The following CMSS1 variants were observed in gnomAD, a reference collection of about 807,000 sequenced individuals.
The protein encoded by CMSS1 is cms1 ribosomal small subunit homolog, also known as protein CMSS1.
In CMSS1, 33 loss-of-function variants were observed where a neutral mutation model predicts 43.5. That is an observed-to-expected ratio of 0.76 (90% CI 0.57 to 1.01). The LOEUF (loss-of-function observed/expected upper bound fraction) is 1.01, where lower values mean the gene tolerates loss of function less well. CMSS1 is among the 50% of genes least tolerant of loss of function. CMSS1 has a pLI of 0.00. For missense variants in CMSS1, 313 were observed against 326.4 expected (o/e 0.96, Z 0.32); for synonymous variants, 115 against 117.2 (o/e 0.98, Z 0.12).
chr3:99,899,995 C>G (rs909774555), intron 1 of CMSS1, among the ~76,000 whole-genome samples: 1 of 152,086 alleles, frequency 6.6e-6, no homozygotes, highest in Admixed American at 6.5e-5. Flanking sequence ...TCGTATAATT[C>G]TGAGGTCAGA....
At chr3:99,859,105 TCC>T (rs1192080311) in intron 1 of CMSS1, among the ~76,000 whole-genome samples, 49 of 152,354 alleles carry the variant, frequency 3.2e-4, no homozygotes, top group African/African-American at 1.2e-3. Context: ...TGTTTGAAAC[TCC>T]AATTTGAAAT....
intron 1 of CMSS1, among the ~76,000 whole-genome samples, chr3:100,022,274 T>C (rs1401032893): frequency 1.3e-5 from 2 of 152,130 alleles, no homozygotes; most frequent in Non-Finnish European, 2.9e-5. Context: ...GAGCAGACCT[T>C]CCATTGGTCC....
At chr3:99,838,306 C>G (rs1942980919) in intron 1 of CMSS1, among the ~76,000 whole-genome samples, 1 of 152,152 alleles carries the variant, frequency 6.6e-6, no homozygotes. Context: ...TCTCTTGTCA[C>G]CCTAACAGTG....
chr3:100,013,527 A>G (rs1288519523), intron 1 of CMSS1, among the ~76,000 whole-genome samples: 1 of 152,192 alleles, frequency 6.6e-6, no homozygotes, highest in Non-Finnish European at 1.5e-5. Flanking sequence ...TACAGGCATG[A>G]GCCACCACAC....
rs755832821 is a variant in CMSS1 at position 99,966,660 on chromosome 3, A to G, written c.64+148617A>G. Among the ~76,000 whole-genome samples the G allele has an allele frequency of 2.0e-5, 3 of 152,334 alleles. No individual in the cohort carries two copies. The East Asian group carries it at 5.8e-4, about 29-fold the overall frequency. On this transcript the variant is annotated intron_variant, in intron 1 of 9. Coordinates refer to ENST00000421999, the MANE Select transcript of CMSS1 (RefSeq NM_032359.4). ...ATGCCACATTTACATGGCATTTTCA[A>G]CCTTCAAACTCTAGCAGATTTTAAA...
intron 1 of CMSS1, among the ~76,000 whole-genome samples, chr3:100,066,343 T>C (rs548444911): frequency 1.1e-4 from 16 of 152,322 alleles, no homozygotes; most frequent in African/African-American, 3.8e-4. Flanking sequence ...GTTACACTTT[T>C]TTATTTCTCC....
chr3:99,924,411 A>G, intron 1 of CMSS1: 2 of 1,613,400 alleles, frequency 1.2e-6, no homozygotes, highest in Non-Finnish European at 1.7e-6. Context: ...TTGTCCAACT[A>G]CGAAAGAAAA....
intron 1 of CMSS1, among the ~76,000 whole-genome samples, chr3:99,955,380 A>T (rs1208828252): frequency 6.6e-6 from 1 of 152,118 alleles, no homozygotes; most frequent in Non-Finnish European, 1.5e-5. Context: ...TTTTTAAAAG[A>T]TGAAAACAAA....
intron 2 of CMSS1, among the ~76,000 whole-genome samples, chr3:100,148,750 AATTAT>A (rs1184523565): frequency 2.0e-5 from 3 of 152,100 alleles, no homozygotes; most frequent in South Asian, 2.1e-4. Flanking sequence ...TATAGTTAAT[AATTAT>A]ATTATAATCT....
chr3:100,002,712 AC>A (rs1488097786), intron 1 of CMSS1, among the ~76,000 whole-genome samples: 1 of 152,202 alleles, frequency 6.6e-6, no homozygotes, highest in Non-Finnish European at 1.5e-5. Flanking sequence ...ACATGTGGAA[AC>A]GGGGCCTGTG....
chr3:99,869,259 A>G (rs1464946550), intron 1 of CMSS1, among the ~76,000 whole-genome samples: 1 of 152,150 alleles, frequency 6.6e-6, no homozygotes, highest in African/African-American at 2.4e-5. Flanking sequence ...TTTGCCTGTG[A>G]TTCTTTGCAT....
At chr3:99,920,929 A>C (rs1707105613) in intron 1 of CMSS1, among the ~76,000 whole-genome samples, 1 of 152,226 alleles carries the variant, frequency 6.6e-6, no homozygotes, top group South Asian at 2.1e-4. Flanking sequence ...TTAGAATGTG[A>C]GCAGTAAACC....
intron 4 of CMSS1, 107 bp downstream of exon 4, chr3:100,162,539 G>A: frequency 1.7e-6 from 2 of 1,202,588 alleles, no homozygotes; most frequent in Non-Finnish European, 2.3e-6. Context: ...CGGGCATGGT[G>A]GCTCATGCCT....
At chr3:99,848,235 G>T in intron 1 of CMSS1, 1 of 1,589,168 alleles carries the variant, frequency 6.3e-7, no homozygotes, top group Non-Finnish European at 8.6e-7. Flanking sequence ...TGAGTTCCTT[G>T]CAAAAATATC....
intron 1 of CMSS1, among the ~76,000 whole-genome samples, chr3:99,940,793 A>T (rs1311785179): frequency 6.6e-6 from 1 of 152,222 alleles, no homozygotes; most frequent in Non-Finnish European, 1.5e-5. Context: ...GCCTAGGCCA[A>T]CCCAGCCTAA....
chr3:99,930,872 C>T, intron 1 of CMSS1: 1 of 1,613,180 alleles, frequency 6.2e-7, no homozygotes, highest in Non-Finnish European at 8.5e-7. Flanking sequence ...TGCCTTGGGA[C>T]ACGGAAGTAT....
At chr3:100,010,152 A>G (rs935489022) in intron 1 of CMSS1, 1 of 974,010 alleles carries the variant, frequency 1.0e-6, no homozygotes, top group African/African-American at 1.8e-5. Context: ...GATTGGAGCC[A>G]CATTTCATTT....
At chr3:99,938,920 T>TA (rs1707775035) in intron 1 of CMSS1, among the ~76,000 whole-genome samples, 1 of 152,158 alleles carries the variant, frequency 6.6e-6, no homozygotes, top group African/African-American at 2.4e-5. Flanking sequence ...ATCTGATGGC[T>TA]AAAAAAAGAC....
intron 1 of CMSS1, among the ~76,000 whole-genome samples, chr3:99,905,140 T>G (rs901727599): frequency 6.6e-6 from 1 of 152,232 alleles, no homozygotes; most frequent in African/African-American, 2.4e-5. Context: ...CCTTCCTAGA[T>G]AGCTTATCCC....
Sources: allele counts gnomAD v4.1 joint callset (sites outside exome capture counted in the v4.1 genomes callset), GRCh38; gene constraint gnomAD v4.1.1; transcripts MANE v1.5; gene names NCBI Gene and HGNC (gene_info 2026-07-23, HGNC 2026-07-21).